The following LEKR1 variants were observed in gnomAD, a reference collection of about 807,000 sequenced individuals.
LEKR1 encodes leucine, glutamate and lysine rich 1, also known as protein LEKR1.
In LEKR1, 59 loss-of-function variants were observed where a neutral mutation model predicts 72.4. The observed-to-expected ratio is 0.82, with a 90% CI of 0.66 to 1.01. LEKR1 has a LOEUF of 1.01. LEKR1 is among the 50% of genes least tolerant of loss of function. The probability of loss-of-function intolerance (pLI) is 0.00; values close to 1 mark genes in which losing one functional copy is unlikely to be tolerated. For synonymous variants in LEKR1, 257 were observed against 263.2 expected (o/e 0.98, Z 0.23); for missense variants, 728 against 759.2 (o/e 0.96, Z 0.48).
rs142350296 is a variant in LEKR1, at chr3:156,835,170, T to C, written c.48+5793T>C. Among the ~76,000 whole-genome samples, 134 of 152,368 alleles carry C rather than the reference T, an allele frequency of 8.8e-4. No homozygotes were observed. In the East Asian group the frequency reaches 0.018, roughly 21 times the overall value. ...TCAGCTAGGCAACTCTAAATTTGCATTTCTAAAGGGACAGCTCCTAGGTGA... is the reference window on the plus strand; with the variant it reads ...TCAGCTAGGCAACTCTAAATTTGCACTTCTAAAGGGACAGCTCCTAGGTGA... On this transcript the variant is annotated intron_variant, in intron 2 of 12. Coordinates refer to ENST00000356539, the MANE Select transcript of LEKR1 (RefSeq NM_001004316.3).
chr3:157,042,190 AAGAAT>A (rs1735398164), intron 12 of LEKR1, among the ~76,000 whole-genome samples: 1 of 152,238 alleles, frequency 6.6e-6, no homozygotes, highest in African/African-American at 2.4e-5. Context: ...TGGCACAGAA[AAGAAT>A]AGAAGTATCA....
At chr3:156,988,901 G>A (rs1308751040) in intron 7 of LEKR1, among the ~76,000 whole-genome samples, 1 of 151,976 alleles carries the variant, frequency 6.6e-6, no homozygotes, top group Non-Finnish European at 1.5e-5. Flanking sequence ...GTGCGATCTC[G>A]GCTCATTGCA....
chr3:156,829,227 CT>C, intron 1 of LEKR1, 58 bp from the exon 2 acceptor site: 2 of 676,876 alleles, frequency 3.0e-6, no homozygotes, highest in Non-Finnish European at 5.1e-6. Context: ...TATAAAGCAT[CT>C]TAATTTGAAT....
intron 10 of LEKR1, among the ~76,000 whole-genome samples, chr3:157,015,884 T>TA (rs1157571789): frequency 6.6e-6 from 1 of 152,156 alleles, no homozygotes; most frequent in Admixed American, 6.5e-5. Context: ...AAAGACCAGT[T>TA]ACTGAGTTTT....
At chr3:156,880,136 A>G (rs1014881234) in intron 3 of LEKR1, among the ~76,000 whole-genome samples, 2 of 152,208 alleles carry the variant, frequency 1.3e-5, no homozygotes, top group Non-Finnish European at 2.9e-5. Context: ...TGTGCACTTG[A>G]AAAGGCTGCA....
intron 2 of LEKR1, among the ~76,000 whole-genome samples, chr3:156,831,479 G>A (rs1305739958): frequency 6.6e-6 from 1 of 152,152 alleles, no homozygotes; most frequent in African/African-American, 2.4e-5. Context: ...CCCATACCCA[G>A]AAATTGTGTA....
Position 157,025,060 on chromosome 3 carries a change from C to A in LEKR1, c.1368+136C>A, listed in dbSNP as rs376020088. On this transcript the variant is annotated intron_variant, in intron 11 of 12. Transcript: ENST00000356539. Reference sequence around the variant, plus strand: ...TCACTGTGTCTTGGTTTTAGCTATGCAGGTAAGACGGTTTGGCTAATTCTC... The same window carrying A: ...TCACTGTGTCTTGGTTTTAGCTATGAAGGTAAGACGGTTTGGCTAATTCTC... 120 of 568,412 alleles carry A rather than the reference C, an allele frequency of 2.1e-4. 3 individuals carry two copies. The South Asian group carries it at 3.2e-3, about 15-fold the overall frequency. The allele number at this position is 568,412 out of a possible 1,614,324, so 35.2% of individuals were successfully genotyped here.
chr3:156,881,196 G>C (rs1392192547), intron 3 of LEKR1, among the ~76,000 whole-genome samples: 2 of 152,182 alleles, frequency 1.3e-5, no homozygotes, highest in Non-Finnish European at 2.9e-5. Context: ...ATTAGGAAAA[G>C]AGGAAGTCAA....
chr3:157,007,949 G>T (rs1428534018), intron 9 of LEKR1, among the ~76,000 whole-genome samples: 2 of 152,202 alleles, frequency 1.3e-5, no homozygotes, highest in African/African-American at 4.8e-5. Context: ...AGAGTTGTCA[G>T]CAGCTAGATC....
intron 3 of LEKR1, among the ~76,000 whole-genome samples, chr3:156,885,712 T>G (rs1377309477): frequency 6.6e-6 from 1 of 152,246 alleles, no homozygotes; most frequent in Non-Finnish European, 1.5e-5. Context: ...TGATTCTAGA[T>G]GTGTTTAGTG....
At chr3:156,890,389 G>A (rs1231153843) in intron 3 of LEKR1, among the ~76,000 whole-genome samples, 1 of 152,016 alleles carries the variant, frequency 6.6e-6, no homozygotes, top group Non-Finnish European at 1.5e-5. Flanking sequence ...ATCTAAATCA[G>A]TAAATATCTA....
At chr3:156,842,305 C>T (rs1714025090) in intron 2 of LEKR1, among the ~76,000 whole-genome samples, 1 of 151,984 alleles carries the variant, frequency 6.6e-6, no homozygotes, top group African/African-American at 2.4e-5. Flanking sequence ...GAAAAAAGGA[C>T]CTGAGATGTG....
At chr3:156,855,754 A>G (rs1715982326) in intron 3 of LEKR1, among the ~76,000 whole-genome samples, 1 of 152,192 alleles carries the variant, frequency 6.6e-6, no homozygotes, top group African/African-American at 2.4e-5. Context: ...CATTGAAAGA[A>G]AGGAAAAACT....
At chr3:156,860,294 A>G (rs1462463202) in intron 3 of LEKR1, among the ~76,000 whole-genome samples, 4 of 152,216 alleles carry the variant, frequency 2.6e-5, no homozygotes, top group African/African-American at 9.6e-5. Context: ...TAGTTACACA[A>G]TAAAATGCAT....
At chr3:156,932,253 G>GA (rs138395221) in intron 5 of LEKR1, among the ~76,000 whole-genome samples, 4,822 of 151,954 alleles carry the variant, frequency 0.032, 118 homozygotes, top group Non-Finnish European at 0.047. Flanking sequence ...TTAAATATTG[G>GA]AAAAAAATCA....
At chr3:156,948,808 C>A (rs1320685757) in intron 6 of LEKR1, among the ~76,000 whole-genome samples, 2 of 151,522 alleles carry the variant, frequency 1.3e-5, no homozygotes, top group Admixed American at 6.6e-5. Flanking sequence ...GTCCTTTTCT[C>A]TGCAAACTCA....
intron 3 of LEKR1, among the ~76,000 whole-genome samples, chr3:156,882,903 C>CA (rs1298147135): frequency 6.7e-6 from 1 of 149,936 alleles, no homozygotes; most frequent in East Asian, 2.0e-4. Flanking sequence ...ATCGCAAGAA[C>CA]AAAAAACCAA....
chr3:156,923,120 T>C (rs949368424), intron 4 of LEKR1, among the ~76,000 whole-genome samples: 1 of 152,208 alleles, frequency 6.6e-6, no homozygotes, highest in Non-Finnish European at 1.5e-5. Flanking sequence ...TCCCATAGTT[T>C]ATTACCCCGT....
At chr3:156,977,525 C>A in intron 6 of LEKR1, 2 of 372,082 alleles carry the variant, frequency 5.4e-6, no homozygotes, top group South Asian at 2.6e-5. Flanking sequence ...TGGGAAGAGA[C>A]CTTTACTGAT....
Sources: allele counts gnomAD v4.1 joint callset (sites outside exome capture counted in the v4.1 genomes callset), GRCh38; gene constraint gnomAD v4.1.1; transcripts MANE v1.5; gene names NCBI Gene and HGNC (gene_info 2026-07-23, HGNC 2026-07-21).